NIPA2: variants seen among roughly 807,000 people sequenced by gnomAD.
NIPA2 encodes NIPA magnesium transporter 2, also known as magnesium transporter NIPA2.
Under a neutral mutation model 29.7 loss-of-function variants are expected in NIPA2, and 11 were observed. The observed-to-expected ratio is 0.37, with a 90% CI of 0.23 to 0.61. The LOEUF is 0.61. Ranked by LOEUF, NIPA2 falls within the 20% of genes least tolerant of loss-of-function variation. The pLI is 0.66. For missense variants in NIPA2, 426 were observed against 437.9 expected, an observed-to-expected ratio of 0.97 and a Z score of 0.24; for synonymous variants, 183 against 161.9, an observed-to-expected ratio of 1.13 and a Z score of -0.99.
At chr15:22,841,503 ACACT>A (rs1417616528) in intron 2 of NIPA2, among the ~76,000 whole-genome samples, 8 of 152,106 alleles carry the variant, frequency 5.3e-5, no homozygotes, top group East Asian at 1.9e-4. Context: ...ACGTGATCTG[ACACT>A]CACCTTTTTT....
intron 3 of NIPA2, among the ~76,000 whole-genome samples, chr15:22,851,216 T>C (rs1357133340): frequency 6.6e-6 from 1 of 152,202 alleles, no homozygotes; most frequent in East Asian, 1.9e-4. Context: ...CACCTATTGC[T>C]AAGAAGAAAA....
In NIPA2 at chr15:22,866,748, T is replaced by G; in HGVS notation, c.984T>G (p.Tyr328Ter). The G allele has an allele frequency of 6.2e-7, 1 of 1,613,810 alleles. No homozygotes were observed. Among genetic ancestry groups the G allele is most frequent in the African/African-American group, 1.3e-5 (1 of 75,022 alleles). ...TGAATGGCAATCTCTCTAATATGTA[T>G]GAAGTTCTTAATAATAATGAAGAAA... ...KAMNGNLSNM[Y>*]EVLNNNEESL... Residue 328 changes from tyrosine (Y) to a stop codon, truncating the protein, a stop_gained, in exon 8 of 8, where the codon TAT (tyrosine) becomes TAG (stop). Coordinates refer to ENST00000337451, the MANE Select transcript of NIPA2 (RefSeq NM_030922.7). LOFTEE classifies it high-confidence loss of function.
chr15:22,858,313 G>A (rs2058354016), intron 5 of NIPA2, among the ~76,000 whole-genome samples: 1 of 152,176 alleles, frequency 6.6e-6, no homozygotes, highest in Non-Finnish European at 1.5e-5. Context: ...AGAATGGCGT[G>A]AACCCGGGAG....
Position 22,866,847 on chromosome 15 carries a change from A to C in NIPA2, c.1083A>C (p.Ter361TyrextTer5), listed in dbSNP as rs1442992230. 3 of 877,882 alleles carry C rather than the reference A, an allele frequency of 3.4e-6. No individual in the cohort carries two copies. Among genetic ancestry groups the C allele is most frequent in the Non-Finnish European group, 4.9e-6 (3 of 614,756 alleles). The allele number at this position is 877,882 out of a possible 1,614,324, so 54.4% of individuals were successfully genotyped here. A position where few individuals can be genotyped will look rare whatever the true frequency, so the allele number is the denominator to read the frequency against. Residue 361 changes from the stop codon to tyrosine, a stop_lost, in exon 8 of 8, where the codon TAA (stop) becomes TAC (tyrosine). Coordinates refer to ENST00000337451, the MANE Select transcript of NIPA2 (RefSeq NM_030922.7). ...SRRNGNLTAF* is the reference protein window; with the variant it reads ...SRRNGNLTAFY ...GAAATGGAAATCTGACAGCTTTTTAAGAAAGGTGTAATTAAAGGTTAATCT... is the reference window on the plus strand; with the variant it reads ...GAAATGGAAATCTGACAGCTTTTTACGAAAGGTGTAATTAAAGGTTAATCT...
intron 3 of NIPA2, among the ~76,000 whole-genome samples, chr15:22,851,020 C>T (rs550981814): frequency 5.1e-4 from 77 of 152,242 alleles, no homozygotes; most frequent in Middle Eastern, 6.8e-3. Context: ...CCTGTCTGGC[C>T]TCGAGGATTG....
At chr15:22,843,898 A>G (rs1054579955) in intron 2 of NIPA2, among the ~76,000 whole-genome samples, 6 of 152,098 alleles carry the variant, frequency 3.9e-5, no homozygotes, top group Non-Finnish European at 8.8e-5. Context: ...GGGTTTCACC[A>G]TGTTGGCCAG....
At chr15:22,865,346 C>T (rs1055158349) in intron 7 of NIPA2, among the ~76,000 whole-genome samples, 9 of 151,772 alleles carry the variant, frequency 5.9e-5, no homozygotes, top group African/African-American at 1.5e-4. Context: ...ATTAGCTGGG[C>T]GTGTTGGCGG....
At chr15:22,843,015 AAGAG>A (rs771789357) in intron 2 of NIPA2, among the ~76,000 whole-genome samples, 42 of 151,754 alleles carry the variant, frequency 2.8e-4, no homozygotes, top group East Asian at 1.4e-3. Context: ...AAAAAAAAAA[AAGAG>A]AGATCTAAAA....
In NIPA2 at chr15:22,852,946, C is replaced by CT. The variant is rs1183802846; in HGVS notation, c.140-265dup. ...TGGGGTTCAGTGGACAGAGGAGAAA[C>CT]TGTCAGCATCTACTGCTTGTTCCCC... is the stretch of plus-strand genomic sequence containing the variant. On this transcript the variant is annotated intron_variant, in intron 4 of 7. Transcript: ENST00000337451. 2.6e-5 allele frequency among the ~76,000 whole-genome samples: 4 copies of CT among 152,258 alleles called. No individual in the cohort carries two copies. In the East Asian group the frequency reaches 7.7e-4, roughly 29 times the overall value.
At chr15:22,864,311 G>A (rs1379392485) in intron 7 of NIPA2, among the ~76,000 whole-genome samples, 1 of 151,918 alleles carries the variant, frequency 6.6e-6, no homozygotes, top group Non-Finnish European at 1.5e-5. Context: ...CCCACCACCA[G>A]GCCTGGCTAA....
At chr15:22,855,264 A>G (rs1850845136) in intron 5 of NIPA2, among the ~76,000 whole-genome samples, 1 of 151,562 alleles carries the variant, frequency 6.6e-6, no homozygotes, top group Non-Finnish European at 1.5e-5. Flanking sequence ...AAAAAACAAA[A>G]GAATTAGCTG....
Position 22,867,571 on chromosome 15 carries a change from CT to C in NIPA2, c.*726del, listed in dbSNP as rs2059194608. ...ACCCTAATCCCATGATGCCTGGAAC[CT>C]TGATTACCGTTTTACATCAGCTCTT... On this transcript the variant is annotated 3_prime_UTR_variant, in exon 8 of 8. Transcript: ENST00000337451. 3 of 197,526 alleles carry C rather than the reference CT, an allele frequency of 1.5e-5. No individual in the cohort carries two copies. The East Asian group carries it at 3.5e-4, about 23-fold the overall frequency. The allele number at this position is 197,526 out of a possible 1,614,324, so 12.2% of individuals were successfully genotyped here. A position where few individuals can be genotyped will look rare whatever the true frequency, so the allele number is the denominator to read the frequency against.
At chr15:22,848,371 G>A (rs1360420669) in intron 3 of NIPA2, among the ~76,000 whole-genome samples, 1 of 152,100 alleles carries the variant, frequency 6.6e-6, no homozygotes, top group Non-Finnish European at 1.5e-5. Flanking sequence ...AAATGATGCA[G>A]TAGTTTTCTG....
At chr15:22,863,227 C>T (rs905555497) in intron 7 of NIPA2, among the ~76,000 whole-genome samples, 6 of 151,776 alleles carry the variant, frequency 4.0e-5, no homozygotes, top group Admixed American at 3.9e-4. Context: ...GACAGGCATG[C>T]GCCACTGTGC....
intron 7 of NIPA2, among the ~76,000 whole-genome samples, chr15:22,865,316 C>G (rs1008083403): frequency 2.6e-5 from 4 of 151,976 alleles, no homozygotes; most frequent in African/African-American, 9.7e-5. Context: ...GAAACCCCGT[C>G]TCTACTAAGA....
intron 1 of NIPA2, 132 bp from the exon 2 acceptor site, chr15:22,839,523 G>GT (rs1370952991): frequency 6.6e-6 from 1 of 152,228 alleles, no homozygotes; most frequent in African/African-American, 2.4e-5. Flanking sequence ...TGTCGAAGCA[G>GT]TAGTTGTGCT....
intron 2 of NIPA2, among the ~76,000 whole-genome samples, chr15:22,840,734 A>G (rs1896856417): frequency 6.6e-6 from 1 of 152,128 alleles, no homozygotes; most frequent in Non-Finnish European, 1.5e-5. Flanking sequence ...CCTTCATCTT[A>G]TTGCGTAGAA....
chr15:22,839,310 C>T (rs1160719203), intron 1 of NIPA2: 1 of 152,182 alleles, frequency 6.6e-6, no homozygotes, highest in African/African-American at 2.4e-5. Context: ...CTATTTCCCT[C>T]TCTATACAAT....
chr15:22,867,396 A>G lies in NIPA2; in HGVS notation c.*549A>G, dbSNP rs934931804. On this transcript the variant is annotated 3_prime_UTR_variant, in exon 8 of 8. Coordinates refer to ENST00000337451, the MANE Select transcript of NIPA2 (RefSeq NM_030922.7). ...GAACCTCTTTCTTACAAAACAAAAAAAAGGGCAGAAATCACCCCAAGGAAC... is the reference window on the plus strand; with the variant it reads ...GAACCTCTTTCTTACAAAACAAAAAGAAGGGCAGAAATCACCCCAAGGAAC... 2 of 386,364 alleles carry G rather than the reference A, an allele frequency of 5.2e-6. No homozygotes were observed. The highest frequency in any genetic ancestry group is 4.6e-6 in the Non-Finnish European group (1 of 219,358). The allele number at this position is 386,364 out of a possible 1,614,324, so 23.9% of individuals were successfully genotyped here. A position where few individuals can be genotyped will look rare whatever the true frequency, so the allele number is the denominator to read the frequency against.
Sources: allele counts gnomAD v4.1 joint callset (sites outside exome capture counted in the v4.1 genomes callset), GRCh38; gene constraint gnomAD v4.1.1; transcripts MANE v1.5; gene names NCBI Gene and HGNC (gene_info 2026-07-23, HGNC 2026-07-21).